PPARGC1A: variants seen among roughly 807,000 people sequenced by gnomAD.
The protein encoded by PPARGC1A is PPARG coactivator 1 alpha.
Under a neutral mutation model 88.7 loss-of-function variants are expected in PPARGC1A, and 25 were observed. That is an observed-to-expected ratio of 0.28 (90% CI 0.21 to 0.39). The LOEUF is 0.39. Ranked by LOEUF, PPARGC1A falls within the 10% of genes least tolerant of loss-of-function variation. The probability of loss-of-function intolerance (pLI) is 1.00; values close to 1 mark genes in which losing one functional copy is unlikely to be tolerated. For missense variants in PPARGC1A, 880 were observed against 968.7 expected, an observed-to-expected ratio of 0.91 and a Z score of 1.22; for synonymous variants, 363 against 355.6, an observed-to-expected ratio of 1.02 and a Z score of -0.24.
the PPARGC1A span, among the ~76,000 whole-genome samples, chr4:24,380,330 G>T: frequency 2.0e-5 from 3 of 152,094 alleles, no homozygotes; most frequent in African/African-American, 7.2e-5. Flanking sequence ...ATATGCAGAG[G>T]CACAGAAGCA....
At chr4:23,895,853 A>G (rs1432510106) in intron 1 of PPARGC1A, among the ~76,000 whole-genome samples, 1 of 151,752 alleles carries the variant, frequency 6.6e-6, no homozygotes, top group East Asian at 1.9e-4. Flanking sequence ...AGGATGCCCA[A>G]TGCGACATTA....
the PPARGC1A span, among the ~76,000 whole-genome samples, chr4:24,354,903 A>G: frequency 6.6e-6 from 1 of 151,550 alleles, no homozygotes; most frequent in Non-Finnish European, 1.5e-5. Context: ...AAAACAAACA[A>G]ACAAAAAACA....
chr4:23,913,960 G>T, the PPARGC1A span, among the ~76,000 whole-genome samples: 2 of 152,174 alleles, frequency 1.3e-5, no homozygotes, highest in African/African-American at 2.4e-5. Context: ...TGAAGCACTC[G>T]CAGAGTAGTA....
At chr4:23,804,795 T>C (rs1368570075) in intron 10 of PPARGC1A, among the ~76,000 whole-genome samples, 1 of 152,160 alleles carries the variant, frequency 6.6e-6, no homozygotes, top group Non-Finnish European at 1.5e-5. Context: ...GGACACCCTA[T>C]TCACACTGCA....
At chr4:24,017,433 G>A in the PPARGC1A span, among the ~76,000 whole-genome samples, 1 of 152,050 alleles carries the variant, frequency 6.6e-6, no homozygotes, top group Non-Finnish European at 1.5e-5. Flanking sequence ...CATGGCAGGG[G>A]AGGGGATTTG....
chr4:24,247,666 C>T, the PPARGC1A span, among the ~76,000 whole-genome samples: 2 of 152,174 alleles, frequency 1.3e-5, no homozygotes, highest in Admixed American at 1.3e-4. Context: ...AGGTAGTTGC[C>T]AGGATTGGCT....
At chr4:24,371,990 G>T in the PPARGC1A span, among the ~76,000 whole-genome samples, 78 of 152,022 alleles carry the variant, frequency 5.1e-4, 1 homozygote, top group African/African-American at 1.8e-3. Context: ...ATGAAATAAG[G>T]TTGCCTCTCT....
At chr4:23,935,463 A>G in the PPARGC1A span, among the ~76,000 whole-genome samples, 1 of 152,216 alleles carries the variant, frequency 6.6e-6, no homozygotes, top group Non-Finnish European at 1.5e-5. Context: ...TCCTAGCTGT[A>G]TCATCATAAT....
chr4:24,006,376 G>A, the PPARGC1A span, among the ~76,000 whole-genome samples: 1 of 152,158 alleles, frequency 6.6e-6, no homozygotes, highest in Admixed American at 6.5e-5. Context: ...GAGTTCTACT[G>A]ATTGGATCCT....
At chr4:24,066,305 C>T in the PPARGC1A span, among the ~76,000 whole-genome samples, 2 of 152,200 alleles carry the variant, frequency 1.3e-5, no homozygotes, top group Admixed American at 6.5e-5. Context: ...CATTTGTTTT[C>T]TGTGATGGTG....
chr4:23,849,228 C>G (rs1728845788), intron 2 of PPARGC1A, among the ~76,000 whole-genome samples: 1 of 152,164 alleles, frequency 6.6e-6, no homozygotes, highest in Non-Finnish European at 1.5e-5. Flanking sequence ...CGTAATACAT[C>G]AGATAAAAAT....
At chr4:23,914,258 A>C in the PPARGC1A span, among the ~76,000 whole-genome samples, 2,538 of 152,284 alleles carry the variant, frequency 0.017, 67 homozygotes, top group African/African-American at 0.057. Flanking sequence ...GATTCTCTTC[A>C]TACTAGGGAA....
At chr4:23,920,090 G>C in the PPARGC1A span, among the ~76,000 whole-genome samples, 1 of 152,232 alleles carries the variant, frequency 6.6e-6, no homozygotes, top group Non-Finnish European at 1.5e-5. Context: ...TAATCTTAGA[G>C]ACAGTGATTT....
chr4:24,313,919 C>A, the PPARGC1A span, among the ~76,000 whole-genome samples: 1 of 152,048 alleles, frequency 6.6e-6, no homozygotes. Flanking sequence ...TATGTTCATG[C>A]AATGAATTAC....
chr4:23,798,413 A>T (rs1344803450), intron 12 of PPARGC1A, among the ~76,000 whole-genome samples: 1 of 152,174 alleles, frequency 6.6e-6, no homozygotes, highest in Non-Finnish European at 1.5e-5. Context: ...GAATATACTA[A>T]TCTCAAACAC....
chr4:24,288,346 G>T, the PPARGC1A span, among the ~76,000 whole-genome samples: 1 of 152,068 alleles, frequency 6.6e-6, no homozygotes, highest in Non-Finnish European at 1.5e-5. Context: ...GGTGATTTTT[G>T]TTCAAAAACT....
the PPARGC1A span, among the ~76,000 whole-genome samples, chr4:24,274,469 T>C: frequency 6.6e-6 from 1 of 152,212 alleles, no homozygotes; most frequent in Non-Finnish European, 1.5e-5. Flanking sequence ...AGTTCTGCTG[T>C]TGTAGTAGAG....
intron 7 of PPARGC1A, among the ~76,000 whole-genome samples, chr4:23,817,119 G>T (rs909030136): frequency 1.3e-5 from 2 of 152,078 alleles, no homozygotes; most frequent in African/African-American, 4.8e-5. Context: ...TTTATAAAAA[G>T]AAACCTTAAA....
the PPARGC1A span, among the ~76,000 whole-genome samples, chr4:24,472,145 G>A: frequency 6.6e-6 from 1 of 152,198 alleles, no homozygotes; most frequent in South Asian, 2.1e-4. This position sits in a 1 kb window ranked among gnomAD's most constrained non-coding sequence, Gnocchi z 4.5. Flanking sequence ...GGTGTCGATG[G>A]CAGATTGGGC....
Sources: gnomAD v4.1 joint callset for allele counts (sites outside exome capture counted in the v4.1 genomes callset) on GRCh38, gnomAD v4.1.1 for gene constraint, Gnocchi (gnomAD v3.1) non-coding constraint, MANE v1.5 for transcripts, NCBI Gene and HGNC (gene_info 2026-07-23, HGNC 2026-07-21) for gene names.